EXT1: variants seen among roughly 807,000 people sequenced by gnomAD.
EXT1 encodes the protein exostosin-1.
EXT1 carries 20 observed loss-of-function variants against 82.5 expected under a neutral mutation model. The observed-to-expected ratio is 0.24, with a 90% CI of 0.17 to 0.35. The LOEUF (loss-of-function observed/expected upper bound fraction) is 0.35, where lower values mean the gene tolerates loss of function less well. Ranked by LOEUF, EXT1 falls within the 10% of genes least tolerant of loss-of-function variation. EXT1 has a pLI of 1.00. For synonymous variants in EXT1, 348 were observed against 350.8 expected (o/e 0.99, Z 0.09); for missense variants, 757 against 936.5 (o/e 0.81, Z 2.50).
At chr8:117,952,618 T>G (rs564012712) in intron 1 of EXT1, among the ~76,000 whole-genome samples, 102 of 152,196 alleles carry the variant, frequency 6.7e-4, no homozygotes, top group African/African-American at 2.3e-3. Flanking sequence ...AAAAATTAGC[T>G]GGGTGTAGTA....
intron 1 of EXT1, among the ~76,000 whole-genome samples, chr8:117,858,844 G>GAAAGAAA (rs1812627511): frequency 7.0e-5 from 6 of 85,336 alleles, no homozygotes; most frequent in East Asian, 3.4e-4. Flanking sequence ...AAGGAAGGAA[G>GAAAGAAA]GAAAGAAAGA....
At chr8:117,902,291 T>C (rs1408243029) in intron 1 of EXT1, among the ~76,000 whole-genome samples, 1 of 152,076 alleles carries the variant, frequency 6.6e-6, no homozygotes, top group Non-Finnish European at 1.5e-5. Context: ...ACTCTAAAAA[T>C]AACAATAAAA....
chr8:117,814,234 GGTGT>G lies in EXT1; in HGVS notation c.1633-1277_1633-1274del, dbSNP rs57727618. Among the ~76,000 whole-genome samples, 1,357 of 146,796 alleles carry G rather than the reference GGTGT, an allele frequency of 9.2e-3. 20 individuals carry two copies. The highest frequency in any genetic ancestry group is 0.027 in the African/African-American group (1,079 of 40,062). On this transcript the variant is annotated intron_variant, in intron 7 of 10. Transcript: ENST00000378204. ...GGTGGACTACGTGTGCACACACAGT[GGTGT>G]GTGTGTGTGTGTGTGTGTGTGTGTG...
At chr8:117,837,844 C>T (rs745331704) in intron 1 of EXT1, among the ~76,000 whole-genome samples, 3 of 143,766 alleles carry the variant, frequency 2.1e-5, no homozygotes, top group Non-Finnish European at 4.5e-5. Flanking sequence ...GAAAGAATAA[C>T]GAGAAAAGAA....
At chr8:118,102,033 A>G (rs1265320431) in intron 1 of EXT1, among the ~76,000 whole-genome samples, 4 of 151,992 alleles carry the variant, frequency 2.6e-5, no homozygotes, top group Non-Finnish European at 5.9e-5. Flanking sequence ...TTGGGAGGCT[A>G]AGGTGGGTAG....
At chr8:118,052,563 A>T (rs11562760) in intron 1 of EXT1, among the ~76,000 whole-genome samples, 8,527 of 152,278 alleles carry the variant, frequency 0.056, 760 homozygotes, top group African/African-American at 0.19. Context: ...TCACAGAATG[A>T]TATGTGCAAG....
rs10453076 is a variant in EXT1 at position 118,097,553 on chromosome 8, T to C, written c.962+12532A>G. 5.8e-3 allele frequency among the ~76,000 whole-genome samples: 884 copies of C among 152,340 alleles called. 9 individuals are homozygous for C. The highest frequency in any genetic ancestry group is 0.019 in the African/African-American group (794 of 41,586). ...TCAGAAGCTCCCCAGGAGAGTCTAC[T>C]GTACAGTTAAGGTTGAGACCCACTG... On this transcript the variant is annotated intron_variant, in intron 1 of 10. Transcript: ENST00000378204.
chr8:118,008,014 T>C (rs1586339688), intron 1 of EXT1, among the ~76,000 whole-genome samples: 1 of 152,174 alleles, frequency 6.6e-6, no homozygotes, highest in African/African-American at 2.4e-5. Context: ...TGTCTAGTCA[T>C]GACGACCAAA....
rs1197321824 is a variant in EXT1, at chr8:117,963,086, C to A, written c.963-125885G>T. ...CTCCCACCATCCCATCCCATCCCAT[C>A]CAATAGTCTTGTTCCTTCCCTTCCT... On this transcript the variant is annotated intron_variant, in intron 1 of 10. Transcript: ENST00000378204. Among the ~76,000 whole-genome samples, 3 of 152,196 alleles carry A rather than the reference C, an allele frequency of 2.0e-5. No homozygotes were observed. In the East Asian group the frequency reaches 5.8e-4, roughly 29 times the overall value.
At chr8:118,093,229 GAAAACAATATAC>G (rs1343609074) in intron 1 of EXT1, among the ~76,000 whole-genome samples, 1 of 51,618 alleles carries the variant, frequency 1.9e-5, no homozygotes, top group Non-Finnish European at 3.6e-5. Context: ...ATGCTTGGCA[GAAAACAATATAC>G]ACCACATGCT....
At chr8:118,044,596 G>A (rs759639679) in intron 1 of EXT1, among the ~76,000 whole-genome samples, 5 of 152,076 alleles carry the variant, frequency 3.3e-5, no homozygotes, top group African/African-American at 1.2e-4. Flanking sequence ...TAGTAGAGAC[G>A]AGGTTTCTCC....
intron 1 of EXT1, among the ~76,000 whole-genome samples, chr8:118,025,720 GTGA>G (rs1816190369): frequency 6.6e-6 from 1 of 152,142 alleles, no homozygotes; most frequent in Admixed American, 6.5e-5. Context: ...AGAAAAAAAT[GTGA>G]TGAAGGAGTC....
At chr8:118,087,341 T>C (rs1817439872) in intron 1 of EXT1, among the ~76,000 whole-genome samples, 1 of 152,168 alleles carries the variant, frequency 6.6e-6, no homozygotes, top group Admixed American at 6.5e-5. Flanking sequence ...ATACTAAAAC[T>C]AAAACTAAAA....
At chr8:118,094,032 T>G (rs566069627) in intron 1 of EXT1, among the ~76,000 whole-genome samples, 1 of 152,322 alleles carries the variant, frequency 6.6e-6, no homozygotes, top group East Asian at 1.9e-4. Context: ...CTACCTGGAT[T>G]GCTAGAAAAG....
chr8:118,045,006 T>C (rs530071231), intron 1 of EXT1, among the ~76,000 whole-genome samples: 15 of 152,250 alleles, frequency 9.9e-5, no homozygotes, highest in Admixed American at 4.6e-4. Context: ...CGATACTATA[T>C]AAGCAAAGAT....
intron 4 of EXT1, among the ~76,000 whole-genome samples, chr8:117,823,241 C>T (rs181201843): frequency 6.6e-6 from 1 of 152,172 alleles, no homozygotes; most frequent in African/African-American, 2.4e-5. Context: ...GGACAAGAAC[C>T]ATGGCATATG....
At chr8:118,100,163 C>A (rs1372869124) in intron 1 of EXT1, among the ~76,000 whole-genome samples, 1 of 152,120 alleles carries the variant, frequency 6.6e-6, no homozygotes, top group Admixed American at 6.5e-5. Flanking sequence ...GGTTGGAAGA[C>A]ACACACAGGG....
chr8:117,923,568 T>A (rs1241371592), intron 1 of EXT1, among the ~76,000 whole-genome samples: 20 of 134,320 alleles, frequency 1.5e-4, no homozygotes, highest in Middle Eastern at 3.7e-3. Context: ...AAAAAAAAAA[T>A]ACAAAAAATT....
intron 3 of EXT1, among the ~76,000 whole-genome samples, chr8:117,832,291 C>T (rs570363055): frequency 6.6e-5 from 10 of 152,054 alleles, no homozygotes; most frequent in East Asian, 1.9e-4. Context: ...TTTGGGAGGC[C>T]GAGGCAGGCG....
Sources: gnomAD v4.1 joint callset for allele counts (sites outside exome capture counted in the v4.1 genomes callset) on GRCh38, gnomAD v4.1.1 for gene constraint, MANE v1.5 for transcripts, NCBI Gene and HGNC (gene_info 2026-07-23, HGNC 2026-07-21) for gene names.